BTRC: variants seen among roughly 807,000 people sequenced by gnomAD.
The protein encoded by BTRC is F-box/WD repeat-containing protein 1A.
Under a neutral mutation model 85.5 loss-of-function variants are expected in BTRC, and 42 were observed. That is an observed-to-expected ratio of 0.49 (90% confidence interval 0.38 to 0.64). The LOEUF is 0.64. Among genes scored for constraint, BTRC ranks in the 30% least tolerant of loss-of-function variants. The pLI, the probability that BTRC is intolerant of heterozygous loss-of-function variation, is 0.00. For synonymous variants in BTRC, 255 were observed against 263.3 expected (o/e 0.97, Z 0.30); for missense variants, 594 against 743.5 (o/e 0.80, Z 2.34).
intron 2 of BTRC, among the ~76,000 whole-genome samples, chr10:101,440,727 A>G (rs1173930622): frequency 6.6e-6 from 1 of 152,048 alleles, no homozygotes. Context: ...CATCTAAAAA[A>G]GAAAAAAAAA....
At chr10:101,549,267 C>CAAA (rs754113516) in intron 13 of BTRC, among the ~76,000 whole-genome samples, 3 of 43,012 alleles carry the variant, frequency 7.0e-5, no homozygotes, top group Admixed American at 6.7e-4. Flanking sequence ...CTAATCTCTA[C>CAAA]AAAAAAAAAA....
chr10:101,373,872 C>T (rs1165288412), intron 1 of BTRC, among the ~76,000 whole-genome samples: 4 of 150,756 alleles, frequency 2.7e-5, no homozygotes, highest in Admixed American at 6.6e-5. Flanking sequence ...GAGCCGAGAT[C>T]GTGCCACTGC....
At chr10:101,465,606 G>A (rs1446468038) in intron 3 of BTRC, among the ~76,000 whole-genome samples, 2 of 152,098 alleles carry the variant, frequency 1.3e-5, no homozygotes, top group African/African-American at 2.4e-5. Flanking sequence ...GAAATGATAC[G>A]AATTTTATGC....
chr10:101,468,710 T>TA lies in BTRC; in HGVS notation c.234+6653dup, dbSNP rs775567120. Among the ~76,000 whole-genome samples, 103 of 152,338 alleles carry TA rather than the reference T, an allele frequency of 6.8e-4. 1 individual carries two copies. The highest frequency in any genetic ancestry group is 1.5e-3 in the Admixed American group (23 of 15,302). ...CATTATACTATATCTTGTTATGCTA[T>TA]AGGGCTGCTGAACAGATTTCTAAGC... On this transcript the variant is annotated intron_variant, in intron 3 of 14. Transcript: ENST00000370187.
Position 101,368,533 on chromosome 10 carries a change from G to T in BTRC, c.48+14305G>T, listed in dbSNP as rs550814735. Among the ~76,000 whole-genome samples the T allele has an allele frequency of 4.2e-4, 57 of 135,456 alleles. 2 individuals carry two copies. The South Asian group carries it at 0.013, about 30-fold the overall frequency. The allele number at this position is 135,456 out of a possible 152,430, so 88.9% of individuals were successfully genotyped here. On this transcript the variant is annotated intron_variant, in intron 1 of 14. Coordinates refer to ENST00000370187, the MANE Select transcript of BTRC (RefSeq NM_033637.4). ...CTCACTCTGTTGCCCAGGCCGGAGTGCAGTGGCATGATCATGGGTCACTGC... is the reference window on the plus strand; with the variant it reads ...CTCACTCTGTTGCCCAGGCCGGAGTTCAGTGGCATGATCATGGGTCACTGC...
intron 1 of BTRC, chr10:101,354,517 G>C (rs1157844223): frequency 2.2e-6 from 1 of 455,968 alleles, no homozygotes; most frequent in Non-Finnish European, 3.9e-6. Flanking sequence ...TGGAGGGAAA[G>C]GGGCGTGGGG....
chr10:101,493,204 TTGAA>T (rs1946177360), intron 4 of BTRC, among the ~76,000 whole-genome samples: 1 of 152,198 alleles, frequency 6.6e-6, no homozygotes, highest in Non-Finnish European at 1.5e-5. Flanking sequence ...CAAAATGTAT[TTGAA>T]TGTGAATGAC....
chr10:101,534,078 T>C (rs1403526540), intron 9 of BTRC, among the ~76,000 whole-genome samples: 3 of 152,148 alleles, frequency 2.0e-5, no homozygotes, highest in Non-Finnish European at 2.9e-5. Context: ...CACAAAATTC[T>C]CAAGCTATCC....
At chr10:101,386,758 G>A (rs193017400) in intron 1 of BTRC, among the ~76,000 whole-genome samples, 59 of 152,270 alleles carry the variant, frequency 3.9e-4, no homozygotes, top group Admixed American at 2.9e-3. Flanking sequence ...TGTTTTGTTT[G>A]TGGTTTAGCT....
chr10:101,536,184 A>G (rs1402467815), intron 11 of BTRC, among the ~76,000 whole-genome samples: 1 of 152,214 alleles, frequency 6.6e-6, no homozygotes, highest in Admixed American at 6.5e-5. Context: ...CATCACTGAT[A>G]ATCTGTATCT....
intron 2 of BTRC, among the ~76,000 whole-genome samples, chr10:101,438,542 A>G (rs1430508017): frequency 6.6e-6 from 1 of 151,634 alleles, no homozygotes; most frequent in East Asian, 1.9e-4. Context: ...CAAATTAGTA[A>G]GTACAAAACT....
chr10:101,427,266 C>T (rs1160660405), intron 1 of BTRC, among the ~76,000 whole-genome samples: 1 of 151,544 alleles, frequency 6.6e-6, no homozygotes, highest in African/African-American at 2.4e-5. Context: ...TATAGGCGTG[C>T]ACCACCATAC....
chr10:101,525,909 C>A, intron 5 of BTRC, 104 bp from the exon 6 acceptor site: 1 of 1,111,732 alleles, frequency 9.0e-7, no homozygotes, highest in Non-Finnish European at 1.3e-6. Context: ...CAATGATGTG[C>A]CTTCATAGCA....
chr10:101,495,895 A>C (rs2134274369), intron 4 of BTRC, among the ~76,000 whole-genome samples: 1 of 150,162 alleles, frequency 6.7e-6, no homozygotes, highest in East Asian at 2.0e-4. Context: ...ACCGGAGCCC[A>C]CTACTACCCT....
intron 1 of BTRC, among the ~76,000 whole-genome samples, chr10:101,367,032 T>TATATATATAAA: frequency 1.9e-5 from 1 of 52,242 alleles, no homozygotes; most frequent in Non-Finnish European, 4.3e-5. Context: ...ATTTATATAT[T>TATATATATAAA]TATATATATA....
chr10:101,483,199 T>A (rs1020192739), intron 4 of BTRC, among the ~76,000 whole-genome samples: 1 of 152,162 alleles, frequency 6.6e-6, no homozygotes, highest in Non-Finnish European at 1.5e-5. Flanking sequence ...TAGTCCTCTG[T>A]AGAATACAAG....
chr10:101,416,574 G>GT (rs949106345), intron 1 of BTRC, among the ~76,000 whole-genome samples: 3 of 152,108 alleles, frequency 2.0e-5, no homozygotes, highest in African/African-American at 7.2e-5. Context: ...TGTTGTTGTT[G>GT]TTTTTTACCA....
At chr10:101,531,413 A>T (rs1458800298) in intron 7 of BTRC, 80 bp downstream of exon 7, 1 of 1,122,706 alleles carries the variant, frequency 8.9e-7, no homozygotes, top group Non-Finnish European at 1.3e-6. Flanking sequence ...GGTTACAGCA[A>T]GCCCATTAAG....
intron 13 of BTRC, among the ~76,000 whole-genome samples, chr10:101,539,835 A>C (rs1450972842): frequency 6.6e-6 from 1 of 152,204 alleles, no homozygotes; most frequent in Non-Finnish European, 1.5e-5. Context: ...TCTTGCCAGT[A>C]CTGAGCACAG....
Sources: gnomAD v4.1 joint callset for allele counts (sites outside exome capture counted in the v4.1 genomes callset) on GRCh38, gnomAD v4.1.1 for gene constraint, MANE v1.5 for transcripts, NCBI Gene and HGNC (gene_info 2026-07-23, HGNC 2026-07-21) for gene names.